The following NAALADL2 variants were observed in gnomAD, a reference collection of about 807,000 sequenced individuals.
NAALADL2 encodes inactive N-acetylated-alpha-linked acidic dipeptidase-like protein 2.
In NAALADL2, 76 loss-of-function variants were observed where a neutral mutation model predicts 87.2. That is an observed-to-expected ratio of 0.87 (90% CI 0.72 to 1.05). The LOEUF is 1.05. Ranked by LOEUF, NAALADL2 falls within the 50% of genes least tolerant of loss-of-function variation. The pLI is 0.00. For missense variants in NAALADL2, 1,089 were observed against 945.8 expected (o/e 1.15, Z -1.99); for synonymous variants, 354 against 331.0 (o/e 1.07, Z -0.75).
intron 13 of NAALADL2, among the ~76,000 whole-genome samples, chr3:175,785,545 T>C (rs1751812062): frequency 1.5e-5 from 2 of 135,648 alleles, no homozygotes; most frequent in Admixed American, 1.5e-4. Context: ...TTTTTTGTTT[T>C]CCATTTGCTT....
rs139063547 is a variant in NAALADL2, at chr3:174,674,314, C to T, written c.-114-63327C>T. The stretch of plus-strand genomic sequence containing the variant: ...CTCCCTCCAGACCCCACCTCCAATA[C>T]TGTAGATTACACTTCAACTTGAGAT... On this transcript the variant is annotated intron_variant, in intron 2 of 3. Transcript: ENST00000434257. Among the ~76,000 whole-genome samples, 452 of 152,136 alleles carry T rather than the reference C, an allele frequency of 3.0e-3. 2 individuals are homozygous for T. Among genetic ancestry groups the T allele is most frequent in the African/African-American group, 0.01 (434 of 41,526 alleles).
At chr3:174,489,510 T>A (rs2861777) in intron 1 of NAALADL2, among the ~76,000 whole-genome samples, 64,280 of 151,790 alleles carry the variant, frequency 0.42, 14,702 homozygotes, top group East Asian at 0.88. Flanking sequence ...AAAATAAACA[T>A]GTTTTGTTTT....
chr3:175,040,257 A>G (rs1030677340), intron 1 of NAALADL2, among the ~76,000 whole-genome samples: 11 of 152,184 alleles, frequency 7.2e-5, no homozygotes, highest in African/African-American at 1.2e-4. Flanking sequence ...TCAGAAATCC[A>G]TTAATTAAAT....
chr3:175,417,877 G>T (rs574923724), intron 5 of NAALADL2, among the ~76,000 whole-genome samples: 36 of 152,258 alleles, frequency 2.4e-4, no homozygotes, highest in African/African-American at 8.7e-4. Flanking sequence ...CTATGGAAAA[G>T]TAGCTCCTTT....
In NAALADL2 at chr3:175,362,996, C is replaced by A. The variant is rs77530517; in HGVS notation, c.1090+38671C>A. Among the ~76,000 whole-genome samples, 184 of 147,722 alleles carry A rather than the reference C, an allele frequency of 1.2e-3. 6 individuals are homozygous for A. The highest frequency in any genetic ancestry group is 4.3e-3 in the African/African-American group (174 of 40,776). ...AGTATTTGACTACCTGTATTGACAT[C>A]TCAGTTTCTTTACTTTTCTCTTCTG... On this transcript the variant is annotated intron_variant, in intron 5 of 13. Transcript: ENST00000454872.
intron 9 of NAALADL2, among the ~76,000 whole-genome samples, chr3:175,556,381 C>T (rs547220735): frequency 1.3e-5 from 2 of 152,088 alleles, no homozygotes; most frequent in South Asian, 4.1e-4. Flanking sequence ...ACTATAATAC[C>T]CAAATTACCT....
intron 1 of NAALADL2, among the ~76,000 whole-genome samples, chr3:174,529,364 A>C (rs1721041097): frequency 6.6e-6 from 1 of 152,068 alleles, no homozygotes; most frequent in African/African-American, 2.4e-5. Context: ...CTGCAGGGTA[A>C]AGCCTCCTTC....
chr3:175,738,376 T>C (rs1467737111), intron 12 of NAALADL2, among the ~76,000 whole-genome samples: 1 of 152,056 alleles, frequency 6.6e-6, no homozygotes, highest in Non-Finnish European at 1.5e-5. Context: ...GCCTCCCAAC[T>C]AGCTGGAACT....
At chr3:175,561,772 T>G (rs889207103) in intron 9 of NAALADL2, among the ~76,000 whole-genome samples, 2 of 152,204 alleles carry the variant, frequency 1.3e-5, no homozygotes, top group Non-Finnish European at 2.9e-5. Context: ...ACAGTCATTT[T>G]GGGAATTAAG....
chr3:174,877,034 T>A (rs1728593399), intron 1 of NAALADL2, among the ~76,000 whole-genome samples: 2 of 152,040 alleles, frequency 1.3e-5, no homozygotes, highest in African/African-American at 4.8e-5. Flanking sequence ...AAAACATGAA[T>A]CTCATTATGA....
intron 5 of NAALADL2, among the ~76,000 whole-genome samples, chr3:175,445,287 T>C (rs915579279): frequency 6.6e-6 from 1 of 152,210 alleles, no homozygotes; most frequent in Non-Finnish European, 1.5e-5. Context: ...TGTTTTATCT[T>C]ATTTTTATTT....
At chr3:174,599,188 C>T (rs909946158) in intron 2 of NAALADL2, among the ~76,000 whole-genome samples, 4 of 152,162 alleles carry the variant, frequency 2.6e-5, no homozygotes, top group Admixed American at 6.5e-5. Flanking sequence ...AGCTAATCCT[C>T]TCCAGTTGTG....
intron 3 of NAALADL2, among the ~76,000 whole-genome samples, chr3:174,823,956 T>A (rs55886949): frequency 0.1 from 15,574 of 152,254 alleles, 893 homozygotes; most frequent in Middle Eastern, 0.13. Flanking sequence ...CTATATATTT[T>A]ATTTTAAAAT....
rs576407655 is a variant in NAALADL2, at chr3:175,026,820, G to GGATTGGA, written c.44-69968_44-69962dup. Among the ~76,000 whole-genome samples, 857 of 152,240 alleles carry GGATTGGA rather than the reference G, an allele frequency of 5.6e-3. 3 individuals carry two copies. Among genetic ancestry groups the GGATTGGA allele is most frequent in the Non-Finnish European group, 9.1e-3 (620 of 67,994 alleles). The stretch of plus-strand genomic sequence containing the variant: ...GCCCACATAAGGAACATGGCATTAA[G>GGATTGGA]GATTGGAGGCAACTGTGGTGTACTG... On this transcript the variant is annotated intron_variant, in intron 1 of 13. Coordinates refer to ENST00000454872, the MANE Select transcript of NAALADL2 (RefSeq NM_207015.3).
At chr3:175,634,617 T>A (rs918777914) in intron 11 of NAALADL2, among the ~76,000 whole-genome samples, 1 of 152,076 alleles carries the variant, frequency 6.6e-6, no homozygotes, top group African/African-American at 2.4e-5. Context: ...CTGGTACACG[T>A]TTTTTAAATG....
At position 175,642,398 on chromosome 3, in the gene NAALADL2, C is replaced by T. The variant is rs111733547; in HGVS notation, c.1896+15012C>T. ...AGAAGAAATAACGGAGATTGACCAC[C>T]AGGCTGAACCTGAAGACTGTAAAAG... On this transcript the variant is annotated intron_variant, in intron 11 of 13. Coordinates refer to ENST00000454872, the MANE Select transcript of NAALADL2 (RefSeq NM_207015.3). Among the ~76,000 whole-genome samples the T allele has an allele frequency of 1.1e-4, 17 of 152,264 alleles. 1 individual carries two copies. Among genetic ancestry groups the T allele is most frequent in the African/African-American group, 4.1e-4 (17 of 41,564 alleles).
At chr3:175,324,062 GA>G (rs1187052516) in intron 4 of NAALADL2, 112 bp from the exon 5 acceptor site, 14 of 618,232 alleles carry the variant, frequency 2.3e-5, no homozygotes, top group East Asian at 6.5e-5. Flanking sequence ...AAAAGAAAAA[GA>G]AAAAAAAACT....
intron 2 of NAALADL2, among the ~76,000 whole-genome samples, chr3:174,619,253 A>G (rs1016122247): frequency 6.6e-6 from 1 of 151,936 alleles, no homozygotes; most frequent in East Asian, 1.9e-4. Context: ...CAGGGTTTTC[A>G]TTTATACATT....
intron 11 of NAALADL2, among the ~76,000 whole-genome samples, chr3:175,698,483 T>TTTTTTATATA (rs1398396262): frequency 3.0e-5 from 2 of 67,774 alleles, no homozygotes; most frequent in African/African-American, 1.8e-4. Context: ...GTATATATAT[T>TTTTTTATATA]TATATATATA....
Sources: gnomAD v4.1 joint callset for allele counts (sites outside exome capture counted in the v4.1 genomes callset) on GRCh38, gnomAD v4.1.1 for gene constraint, MANE v1.5 for transcripts, NCBI Gene and HGNC (gene_info 2026-07-23, HGNC 2026-07-21) for gene names.